Variants in MAPK8 observed in about 807,000 individuals in gnomAD.
The protein encoded by MAPK8 is mitogen-activated protein kinase 8.
Under a neutral mutation model 52.9 loss-of-function variants are expected in MAPK8, and 13 were observed. The ratio of observed to expected loss-of-function variants is 0.25; its 90% CI spans 0.16 to 0.39. The LOEUF is 0.39. MAPK8 is among the 10% of genes least tolerant of loss of function. MAPK8 has a pLI of 1.00. For missense variants in MAPK8, 300 were observed against 519.2 expected, an observed-to-expected ratio of 0.58 and a Z score of 4.10; for synonymous variants, 191 against 169.8, an observed-to-expected ratio of 1.12 and a Z score of -0.97.
At chr10:48,324,502 A>ATTTTTTTTTTTTTTTTTTTTTT (rs1554810394) in intron 1 of MAPK8, among the ~76,000 whole-genome samples, 4 of 54,348 alleles carry the variant, frequency 7.4e-5, no homozygotes, top group African/African-American at 3.0e-4. Context: ...CCTGTTTTCT[A>ATTTTTTTTTTTTTTTTTTTTTT]GTTTTTTTTT....
chr10:48,380,866 A>C (rs1439757977), intron 1 of MAPK8, among the ~76,000 whole-genome samples: 3 of 152,350 alleles, frequency 2.0e-5, no homozygotes, highest in Admixed American at 6.5e-5. Flanking sequence ...AGTGATTTTT[A>C]AAAAGTCAAA....
chr10:48,390,151 G>C (rs1457383377), intron 1 of MAPK8, among the ~76,000 whole-genome samples: 1 of 152,140 alleles, frequency 6.6e-6, no homozygotes, highest in Non-Finnish European at 1.5e-5. Context: ...CCAAGCTCAA[G>C]GCAGGCAGGA....
chr10:48,432,967 C>T (rs576957484), intron 11 of MAPK8, among the ~76,000 whole-genome samples: 1 of 152,214 alleles, frequency 6.6e-6, no homozygotes, highest in East Asian at 1.9e-4. Flanking sequence ...ACCAGATAAC[C>T]ACAGTACCAT....
rs1381077578 is a variant in MAPK8 at position 48,435,042 on chromosome 10, T to A, written c.*13T>A. 4.8e-6 allele frequency: 2 copies of A among 420,672 alleles called. No homozygotes were observed. Among genetic ancestry groups the A allele is most frequent in the Non-Finnish European group, 4.5e-6 (1 of 220,548 alleles). 26.1% of individuals were successfully genotyped at this position (420,672 alleles called of 1,614,324 possible). A position where few individuals can be genotyped will look rare whatever the true frequency, so the allele number is the denominator to read the frequency against. ...CTGCTGTAGATGACTACTTGGGCCATCGGGGGGTGGGAGGGATGGGGAGTC... is the reference window on the plus strand; with the variant it reads ...CTGCTGTAGATGACTACTTGGGCCAACGGGGGGTGGGAGGGATGGGGAGTC... On this transcript the variant is annotated 3_prime_UTR_variant, in exon 12 of 12. Transcript: ENST00000374189.
intron 1 of MAPK8, among the ~76,000 whole-genome samples, chr10:48,339,920 A>C (rs1190980945): frequency 6.6e-6 from 1 of 152,196 alleles, no homozygotes; most frequent in Non-Finnish European, 1.5e-5. Flanking sequence ...GTGAGGATGC[A>C]GAGAAAAGGG....
Position 48,424,171 on chromosome 10 carries a change from C to T in MAPK8, c.688+12C>T. 6.2e-7 allele frequency: 1 copy of T among 1,607,654 alleles called. No individual in the cohort carries two copies. Among genetic ancestry groups the T allele is most frequent in the Non-Finnish European group, 8.5e-7 (1 of 1,175,316 alleles). Reference sequence around the variant, plus strand: ...TCCAGGAAGGGACTGTATCCTTGTGCTGCTGCAGCAGTTAATTAGTTAGGC... The same window carrying T: ...TCCAGGAAGGGACTGTATCCTTGTGTTGCTGCAGCAGTTAATTAGTTAGGC... On this transcript the variant is annotated intron_variant, in intron 7 of 11. Coordinates refer to ENST00000374189, the MANE Select transcript of MAPK8 (RefSeq NM_001323329.2).
chr10:48,330,981 C>CATTGGTGATGAGTATAG (rs1319680701), intron 1 of MAPK8, among the ~76,000 whole-genome samples: 7 of 152,122 alleles, frequency 4.6e-5, no homozygotes, highest in Non-Finnish European at 8.8e-5. Flanking sequence ...GATGGATTGT[C>CATTGGTGATGAGTATAG]ATTGGTGATG....
chr10:48,348,147 G>A (rs1845966237), intron 1 of MAPK8, among the ~76,000 whole-genome samples: 2 of 152,208 alleles, frequency 1.3e-5, no homozygotes, highest in South Asian at 4.1e-4. Context: ...GACCAGTGAT[G>A]ATGAGCTTTT....
intron 11 of MAPK8, 89 bp from the exon 12 acceptor site, chr10:48,434,795 A>G: frequency 8.3e-7 from 1 of 1,205,670 alleles, no homozygotes; most frequent in Non-Finnish European, 1.1e-6. Flanking sequence ...AAGAGAAAAA[A>G]ATTACCACTG....
At chr10:48,357,188 C>G (rs111373649) in intron 1 of MAPK8, among the ~76,000 whole-genome samples, 8,856 of 152,234 alleles carry the variant, frequency 0.058, 615 homozygotes, top group Admixed American at 0.21. Context: ...AGAGAATACA[C>G]TGACATAAAC....
intron 1 of MAPK8, among the ~76,000 whole-genome samples, chr10:48,377,596 C>G (rs566651099): frequency 6.6e-6 from 1 of 152,098 alleles, no homozygotes; most frequent in Non-Finnish European, 1.5e-5. Context: ...CTTCTTTCCA[C>G]CCCTCCCCTG....
At chr10:48,431,144 A>G in intron 10 of MAPK8, 49 bp from the exon 11 acceptor site, 1 of 1,198,348 alleles carries the variant, frequency 8.3e-7, no homozygotes, top group Non-Finnish European at 1.2e-6. Context: ...GCGTTGTGAG[A>G]TTGGCTCTTA....
intron 1 of MAPK8, among the ~76,000 whole-genome samples, chr10:48,375,177 C>T (rs1430355397): frequency 6.6e-6 from 1 of 152,094 alleles, no homozygotes; most frequent in Admixed American, 6.6e-5. Flanking sequence ...AGGCCTTTGA[C>T]AAAATTCAGC....
chr10:48,354,012 AC>A (rs1846598245), intron 1 of MAPK8, among the ~76,000 whole-genome samples: 1 of 152,198 alleles, frequency 6.6e-6, no homozygotes, highest in African/African-American at 2.4e-5. Context: ...ATAGCTATAC[AC>A]ACACACTGTA....
At chr10:48,354,451 C>T (rs941335010) in intron 1 of MAPK8, among the ~76,000 whole-genome samples, 1 of 152,222 alleles carries the variant, frequency 6.6e-6, no homozygotes, top group African/African-American at 2.4e-5. Flanking sequence ...CCACCAATCC[C>T]ACCATCCTTC....
At chr10:48,389,580 AACT>A (rs2041511639) in intron 1 of MAPK8, among the ~76,000 whole-genome samples, 2 of 152,194 alleles carry the variant, frequency 1.3e-5, no homozygotes, top group African/African-American at 2.4e-5. Context: ...CTCTCCTGTA[AACT>A]ACTCCTTGAG....
intron 10 of MAPK8, 31 bp from the exon 11 acceptor site, chr10:48,431,162 A>C: frequency 6.8e-7 from 1 of 1,471,630 alleles, no homozygotes; most frequent in Non-Finnish European, 9.5e-7. Flanking sequence ...TTAGACTTTG[A>C]AAAGTTCATT....
chr10:48,325,966 G>T (rs918441328), intron 1 of MAPK8: 3 of 152,172 alleles, frequency 2.0e-5, no homozygotes, highest in African/African-American at 7.2e-5. Context: ...CCTGTCAAGG[G>T]TATGTACTGT....
intron 7 of MAPK8, 53 bp from the exon 8 acceptor site, chr10:48,425,835 C>CA: frequency 1.1e-6 from 1 of 872,360 alleles, no homozygotes; most frequent in Non-Finnish European, 1.6e-6. Context: ...ATGAATATGA[C>CA]TAATGTATTG....
Sources: allele counts gnomAD v4.1 joint callset (sites outside exome capture counted in the v4.1 genomes callset), GRCh38; gene constraint gnomAD v4.1.1; transcripts MANE v1.5; gene names NCBI Gene and HGNC (gene_info 2026-07-23, HGNC 2026-07-21).